Variants in SFMBT2 observed in about 807,000 individuals in gnomAD.
SFMBT2 encodes the protein scm-like with four MBT domains protein 2.
Under a neutral mutation model 110.1 loss-of-function variants are expected in SFMBT2, and 38 were observed. The observed-to-expected ratio is 0.35, with a 90% CI of 0.27 to 0.45. The LOEUF is 0.45. Among genes scored for constraint, SFMBT2 ranks in the 20% least tolerant of loss-of-function variants. The probability of loss-of-function intolerance (pLI) is 1.00; values close to 1 mark genes in which losing one functional copy is unlikely to be tolerated. For missense variants in SFMBT2, 1,011 were observed against 1,094.9 expected, an observed-to-expected ratio of 0.92 and a Z score of 1.08; for synonymous variants, 425 against 425.4, an observed-to-expected ratio of 1.00 and a Z score of 0.01.
chr10:7,243,297 A>G (rs1214971740), intron 9 of SFMBT2, among the ~76,000 whole-genome samples: 1 of 152,230 alleles, frequency 6.6e-6, no homozygotes. Flanking sequence ...AAGTCTACAC[A>G]ATAGCAGCAC....
At chr10:7,261,892 C>T (rs145387727) in intron 7 of SFMBT2, among the ~76,000 whole-genome samples, 1 of 152,226 alleles carries the variant, frequency 6.6e-6, no homozygotes, top group Non-Finnish European at 1.5e-5. Context: ...GGGTGGCTGG[C>T]GGAAGGACGG....
At chr10:7,239,562 G>GTTTAA (rs1840369420) in intron 9 of SFMBT2, among the ~76,000 whole-genome samples, 1 of 152,112 alleles carries the variant, frequency 6.6e-6, no homozygotes, top group Admixed American at 6.5e-5. Flanking sequence ...TGCTCATTCA[G>GTTTAA]TTTAATTACA....
chr10:7,368,195 C>T (rs1844963791), intron 3 of SFMBT2: 2 of 392,070 alleles, frequency 5.1e-6, no homozygotes, highest in Non-Finnish European at 6.9e-6. Flanking sequence ...ATGAAACAAC[C>T]AACTGTCTTC....
At chr10:7,302,919 G>T (rs1417263440) in intron 4 of SFMBT2, among the ~76,000 whole-genome samples, 1 of 151,904 alleles carries the variant, frequency 6.6e-6, no homozygotes, top group African/African-American at 2.4e-5. Context: ...AAGTTCCTAA[G>T]GTTTTGTCTT....
chr10:7,259,081 G>A (rs1312762785), intron 7 of SFMBT2, among the ~76,000 whole-genome samples: 1 of 152,196 alleles, frequency 6.6e-6, no homozygotes, highest in Non-Finnish European at 1.5e-5. Context: ...GGTGGACGCT[G>A]AGGGGGCCCC....
intron 2 of SFMBT2, among the ~76,000 whole-genome samples, chr10:7,373,111 G>A (rs898358068): frequency 1.3e-5 from 2 of 152,240 alleles, no homozygotes; most frequent in African/African-American, 4.8e-5. Context: ...TCTGGGTCAT[G>A]GGGGCAGATC....
intron 4 of SFMBT2, among the ~76,000 whole-genome samples, chr10:7,288,156 T>C (rs1411014331): frequency 6.6e-6 from 1 of 152,204 alleles, no homozygotes; most frequent in African/African-American, 2.4e-5. Context: ...GAGACCAAGA[T>C]ACAAGCCAAG....
At chr10:7,252,429 C>T (rs963841676) in intron 7 of SFMBT2, among the ~76,000 whole-genome samples, 1 of 152,188 alleles carries the variant, frequency 6.6e-6, no homozygotes, top group African/African-American at 2.4e-5. Context: ...CATCTAATTA[C>T]ATCTCTAGGT....
intron 10 of SFMBT2, among the ~76,000 whole-genome samples, chr10:7,227,587 G>C (rs77808392): frequency 0.031 from 4,747 of 152,246 alleles, 122 homozygotes; most frequent in South Asian, 0.065. Context: ...GGAAGACCCT[G>C]GGCTCTTCCA....
intron 9 of SFMBT2, among the ~76,000 whole-genome samples, chr10:7,236,882 A>G (rs1274080540): frequency 6.6e-6 from 1 of 152,224 alleles, no homozygotes; most frequent in Non-Finnish European, 1.5e-5. Context: ...CTGAGAAAGA[A>G]TTCATGTTAG....
intron 6 of SFMBT2, among the ~76,000 whole-genome samples, 180 bp from the exon 7 acceptor site, chr10:7,277,169 A>G (rs1197118511): frequency 6.6e-6 from 1 of 152,228 alleles, no homozygotes; most frequent in African/African-American, 2.4e-5. Context: ...GAAATTAAAT[A>G]GCAACTTGGG....
chr10:7,303,787 C>T (rs1411624182), intron 4 of SFMBT2, among the ~76,000 whole-genome samples: 3 of 152,160 alleles, frequency 2.0e-5, no homozygotes, highest in African/African-American at 7.2e-5. Flanking sequence ...TATTTCATTA[C>T]CATTTTAGAA....
At chr10:7,217,463 T>G (rs559076419) in intron 11 of SFMBT2, among the ~76,000 whole-genome samples, 1 of 152,132 alleles carries the variant, frequency 6.6e-6, no homozygotes, top group South Asian at 2.1e-4. Context: ...CAGGTCTCAT[T>G]TGAAGTGCAT....
intron 1 of SFMBT2, among the ~76,000 whole-genome samples, chr10:7,407,934 G>A (rs1163555954): frequency 6.6e-5 from 10 of 152,202 alleles, no homozygotes. Flanking sequence ...AGGTGCCAGA[G>A]CGGTGGTCGG....
intron 9 of SFMBT2, among the ~76,000 whole-genome samples, chr10:7,234,030 T>G (rs1840185102): frequency 6.6e-6 from 1 of 152,232 alleles, no homozygotes; most frequent in African/African-American, 2.4e-5. Flanking sequence ...AAAGCATTTG[T>G]TCTTGTCGAT....
At chr10:7,197,214 A>G (rs1354235464) in intron 15 of SFMBT2, among the ~76,000 whole-genome samples, 1 of 152,134 alleles carries the variant, frequency 6.6e-6, no homozygotes, top group Non-Finnish European at 1.5e-5. Flanking sequence ...ACCTCTTTGG[A>G]AACCTCAACT....
chr10:7,393,241 G>C (rs1845830991), intron 1 of SFMBT2, among the ~76,000 whole-genome samples: 1 of 151,752 alleles, frequency 6.6e-6, no homozygotes, highest in Non-Finnish European at 1.5e-5. Flanking sequence ...ATGTTGGTCA[G>C]GCTGGTCTCA....
intron 1 of SFMBT2, among the ~76,000 whole-genome samples, chr10:7,405,869 T>G (rs1490889422): frequency 3.2e-5 from 4 of 124,540 alleles, no homozygotes. Context: ...CCTTAGCAGC[T>G]AGTGTTAACA....
chr10:7,310,092 A>G (rs1842807984), intron 4 of SFMBT2, among the ~76,000 whole-genome samples: 1 of 152,208 alleles, frequency 6.6e-6, no homozygotes, highest in Admixed American at 6.5e-5. Flanking sequence ...GATATTGCCA[A>G]ATATAACCTG....
Sources: gnomAD v4.1 joint callset for allele counts (sites outside exome capture counted in the v4.1 genomes callset) on GRCh38, gnomAD v4.1.1 for gene constraint, MANE v1.5 for transcripts, NCBI Gene and HGNC (gene_info 2026-07-23, HGNC 2026-07-21) for gene names.